Variants in CTNNA2 observed in about 807,000 individuals in gnomAD.
CTNNA2 encodes the protein catenin alpha-2.
In CTNNA2, 42 loss-of-function variants were observed where a neutral mutation model predicts 101.0. That is an observed-to-expected ratio of 0.42 (90% CI 0.32 to 0.54). The LOEUF is 0.54. CTNNA2 is among the 20% of genes least tolerant of loss of function. CTNNA2 has a pLI of 0.14. For missense variants in CTNNA2, 871 were observed against 1,223.1 expected (o/e 0.71, Z 4.29); for synonymous variants, 450 against 456.4 (o/e 0.99, Z 0.18).
At chr2:79,877,019 A>C (rs1170003955) in intron 6 of CTNNA2, among the ~76,000 whole-genome samples, 1 of 151,692 alleles carries the variant, frequency 6.6e-6, no homozygotes, top group Non-Finnish European at 1.5e-5. Context: ...TATTAACTTT[A>C]AACTTCTATA....
chr2:80,362,523 A>G (rs1325564339), intron 7 of CTNNA2, among the ~76,000 whole-genome samples: 2 of 152,164 alleles, frequency 1.3e-5, no homozygotes, highest in African/African-American at 4.8e-5. Flanking sequence ...CACAGGGCCT[A>G]AGAAAAGTAA....
Position 80,303,897 on chromosome 2 carries a change from C to A in CTNNA2, c.1057-89314C>A. The A allele has an allele frequency of 1.4e-6, 2 of 1,410,810 alleles. No individual in the cohort carries two copies. Among genetic ancestry groups the A allele is most frequent in the South Asian group, 2.0e-5 (1 of 50,050 alleles). 87.4% of individuals were successfully genotyped at this position (1,410,810 alleles called of 1,614,324 possible). A position where few individuals can be genotyped will look rare whatever the true frequency, so the allele number is the denominator to read the frequency against. ...CAGAAATCTACATCATATTTTATTCCGAGGGAGGGGAAGCGGGGGAGGGGG... is the reference window on the plus strand; with the variant it reads ...CAGAAATCTACATCATATTTTATTCAGAGGGAGGGGAAGCGGGGGAGGGGG... On this transcript the variant is annotated intron_variant, in intron 7 of 18. Transcript: ENST00000402739. This position sits in a 1 kb window ranked among gnomAD's most constrained non-coding sequence, Gnocchi z 7.7.
At chr2:79,408,846 C>G (rs200879515) in intron 4 of CTNNA2, among the ~76,000 whole-genome samples, 7,161 of 151,696 alleles carry the variant, frequency 0.047, 380 homozygotes, top group African/African-American at 0.14. Context: ...AATGGTATTT[C>G]TAGTTCTAGA....
intron 7 of CTNNA2, among the ~76,000 whole-genome samples, chr2:79,933,777 G>T (rs551152223): frequency 6.6e-6 from 1 of 152,196 alleles, no homozygotes; most frequent in Non-Finnish European, 1.5e-5. Flanking sequence ...TTCTTTACAT[G>T]GTCTAACCAC....
chr2:80,179,261 T>C (rs1705601723), intron 7 of CTNNA2, among the ~76,000 whole-genome samples: 1 of 152,252 alleles, frequency 6.6e-6, no homozygotes, highest in Non-Finnish European at 1.5e-5. Context: ...GTTAAACTTA[T>C]GATAATCCAC....
At chr2:79,606,676 G>A (rs910783476) in intron 1 of CTNNA2, among the ~76,000 whole-genome samples, 6 of 152,180 alleles carry the variant, frequency 3.9e-5, no homozygotes, top group Admixed American at 2.6e-4. Flanking sequence ...AGAAATGTCA[G>A]TGCCCTATTT....
At chr2:79,813,550 C>G (rs1282935734) in intron 3 of CTNNA2, among the ~76,000 whole-genome samples, 1 of 152,124 alleles carries the variant, frequency 6.6e-6, no homozygotes, top group African/African-American at 2.4e-5. Context: ...TGATGATTCA[C>G]TATACCTTCA....
chr2:79,775,850 T>A (rs1673924206), intron 3 of CTNNA2, among the ~76,000 whole-genome samples: 1 of 152,194 alleles, frequency 6.6e-6, no homozygotes, highest in Non-Finnish European at 1.5e-5. Flanking sequence ...TTATTTCTTG[T>A]TGCATTTCTA....
intron 2 of CTNNA2, among the ~76,000 whole-genome samples, chr2:79,282,323 T>C (rs993159209): frequency 1.3e-5 from 2 of 152,082 alleles, no homozygotes; most frequent in African/African-American, 4.8e-5. Flanking sequence ...TAGTTACATA[T>C]GTATACATGT....
intron 4 of CTNNA2, among the ~76,000 whole-genome samples, chr2:79,383,092 C>T (rs1370316401): frequency 6.6e-6 from 1 of 152,058 alleles, no homozygotes. Context: ...AGTTAGATAT[C>T]CAATATATGA....
intron 3 of CTNNA2, among the ~76,000 whole-genome samples, chr2:79,803,018 TG>T (rs1045623963): frequency 1.5e-4 from 23 of 152,308 alleles, no homozygotes; most frequent in African/African-American, 3.8e-4. Context: ...TATAATGTAA[TG>T]AAAAAAATGC....
chr2:79,719,745 T>C (rs1011086766), intron 2 of CTNNA2, among the ~76,000 whole-genome samples: 4 of 152,134 alleles, frequency 2.6e-5, no homozygotes, highest in African/African-American at 9.7e-5. Flanking sequence ...ATGCGGTTAT[T>C]TGTGCTTTGC....
intron 7 of CTNNA2, among the ~76,000 whole-genome samples, chr2:80,145,755 T>G (rs1703292364): frequency 6.6e-6 from 1 of 152,230 alleles, no homozygotes; most frequent in East Asian, 1.9e-4. Context: ...AGGTTTATAG[T>G]ATCCATCATC....
At chr2:79,992,794 T>G (rs17018371) in intron 7 of CTNNA2, among the ~76,000 whole-genome samples, 2,315 of 152,296 alleles carry the variant, frequency 0.015, 39 homozygotes, top group African/African-American at 0.052. Context: ...TAGGCATGTA[T>G]AAAACTGAAC....
intron 1 of CTNNA2, among the ~76,000 whole-genome samples, chr2:79,602,372 G>A (rs1039617008): frequency 1.9e-4 from 29 of 151,872 alleles, no homozygotes; most frequent in African/African-American, 7.0e-4. Context: ...CTCTAAAACA[G>A]TAGGTATCAC....
At chr2:80,270,197 T>A (rs545395998) in intron 7 of CTNNA2, among the ~76,000 whole-genome samples, 5 of 152,332 alleles carry the variant, frequency 3.3e-5, no homozygotes, top group Admixed American at 1.3e-4. Context: ...CATTTATGCT[T>A]CCTGCTTAGC....
intron 2 of CTNNA2, among the ~76,000 whole-genome samples, chr2:79,266,862 A>G (rs1375459460): frequency 5.9e-5 from 9 of 152,072 alleles, no homozygotes. Flanking sequence ...ATTTTCATGT[A>G]TTTCATGAAA....
chr2:79,871,426 G>A (rs1682571167), intron 5 of CTNNA2, among the ~76,000 whole-genome samples: 1 of 152,196 alleles, frequency 6.6e-6, no homozygotes, highest in Non-Finnish European at 1.5e-5. Context: ...GTGAGAGAGA[G>A]ATAGAGAGCC....
rs117004684 is a variant in CTNNA2 at position 80,230,754 on chromosome 2, C to A, written c.1057-162457C>A. ...AGATGAAGCTCACATAAGGAAATCA[C>A]AGAGAATTCCAGGGATCCAAAACTG... On this transcript the variant is annotated intron_variant, in intron 7 of 18. Coordinates refer to ENST00000402739, the MANE Select transcript of CTNNA2 (RefSeq NM_001282597.3). 3.2e-4 allele frequency among the ~76,000 whole-genome samples: 48 copies of A among 152,276 alleles called. 1 individual carries two copies. In the East Asian group the frequency reaches 8.9e-3, roughly 28 times the overall value.
Sources: allele counts gnomAD v4.1 joint callset (sites outside exome capture counted in the v4.1 genomes callset), GRCh38; gene constraint gnomAD v4.1.1; non-coding constraint Gnocchi (gnomAD v3.1); transcripts MANE v1.5; gene names NCBI Gene and HGNC (gene_info 2026-07-23, HGNC 2026-07-21).